Variants in INPP4B observed in about 807,000 individuals in gnomAD.
INPP4B encodes the protein inositol polyphosphate 4-phosphatase type II.
Under a neutral mutation model 122.5 loss-of-function variants are expected in INPP4B, and 55 were observed. The ratio of observed to expected loss-of-function variants is 0.45; its 90% CI spans 0.36 to 0.56. The LOEUF (loss-of-function observed/expected upper bound fraction) is 0.56. Ranked by LOEUF, INPP4B falls within the 20% of genes least tolerant of loss-of-function variation. The probability of loss-of-function intolerance (pLI) is 0.00; values close to 1 mark genes in which losing one functional copy is unlikely to be tolerated. For synonymous variants in INPP4B, 403 were observed against 388.7 expected (o/e 1.04, Z -0.43); for missense variants, 1,000 against 1,097.7 (o/e 0.91, Z 1.26).
chr4:142,540,144 A>G (rs1828767895), intron 2 of INPP4B, among the ~76,000 whole-genome samples: 1 of 152,074 alleles, frequency 6.6e-6, no homozygotes, highest in African/African-American at 2.4e-5. Flanking sequence ...AAACCATTTT[A>G]TCATTTGAAG....
At position 142,270,787 on chromosome 4, in the gene INPP4B, A is replaced by T. The variant is rs1745386977; in HGVS notation, c.504-13T>A. The T allele has an allele frequency of 6.4e-7, 1 of 1,557,694 alleles. No individual in the cohort carries two copies. Among genetic ancestry groups the T allele is most frequent in the Non-Finnish European group, 8.9e-7 (1 of 1,128,722 alleles). Reference sequence around the variant, plus strand: ...ACCATCTGAAGTTCTGCAACAAAAAATACACGAAATGGAAAGGTAAGAAGC... The same window carrying T: ...ACCATCTGAAGTTCTGCAACAAAAATTACACGAAATGGAAAGGTAAGAAGC... On this transcript the variant is annotated splice_polypyrimidine_tract_variant and intron_variant, in intron 9 of 25. Coordinates refer to ENST00000262992, the MANE Select transcript of INPP4B (RefSeq NM_001101669.3).
At chr4:142,329,373 G>T (rs1269621867) in intron 7 of INPP4B, among the ~76,000 whole-genome samples, 1 of 138,570 alleles carries the variant, frequency 7.2e-6, no homozygotes, top group Non-Finnish European at 1.6e-5. Context: ...AAAAACCAAA[G>T]AGAAAAAAGG....
intron 2 of INPP4B, among the ~76,000 whole-genome samples, chr4:142,696,508 C>A (rs551434563): frequency 7.9e-5 from 12 of 152,312 alleles, no homozygotes; most frequent in African/African-American, 2.9e-4. Flanking sequence ...CTTTCCCCAC[C>A]CCAGCCCTGA....
chr4:142,485,065 A>T (rs1280543670), intron 2 of INPP4B, among the ~76,000 whole-genome samples: 1 of 152,076 alleles, frequency 6.6e-6, no homozygotes, highest in Non-Finnish European at 1.5e-5. Context: ...TTAGGAGATT[A>T]GTTTGCTTCT....
chr4:142,642,245 T>C (rs528662504), intron 2 of INPP4B, among the ~76,000 whole-genome samples: 1 of 152,224 alleles, frequency 6.6e-6, no homozygotes, highest in Admixed American at 6.5e-5. Flanking sequence ...GTAGTTTCTT[T>C]TGCTGTGCAG....
intron 7 of INPP4B, among the ~76,000 whole-genome samples, chr4:142,366,732 T>A (rs1436548275): frequency 6.6e-6 from 1 of 152,012 alleles, no homozygotes; most frequent in African/African-American, 2.4e-5. Context: ...AATGCAAAAA[T>A]AAATAAGACA....
rs538290542 is a variant in INPP4B at position 142,649,937 on chromosome 4, A to G, written c.-191+75902T>C. 5.9e-5 allele frequency among the ~76,000 whole-genome samples: 9 copies of G among 152,332 alleles called. No homozygotes were observed. The South Asian group carries it at 1.5e-3, about 25-fold the overall frequency. Reference sequence around the variant, plus strand: ...TGTCAGATTCACCAAGGTTGAAATGAAGGAAAAAATGTTAAGGGCAGCCAG... The same window carrying G: ...TGTCAGATTCACCAAGGTTGAAATGGAGGAAAAAATGTTAAGGGCAGCCAG... On this transcript the variant is annotated intron_variant, in intron 2 of 25. Transcript: ENST00000262992.
chr4:142,068,701 C>T (rs375498448), intron 25 of INPP4B, among the ~76,000 whole-genome samples: 1 of 152,068 alleles, frequency 6.6e-6, no homozygotes, highest in East Asian at 1.9e-4. Flanking sequence ...GATAAAACAG[C>T]CTTTAAACCA....
intron 8 of INPP4B, among the ~76,000 whole-genome samples, chr4:142,306,349 C>T (rs1341128211): frequency 1.3e-5 from 2 of 151,552 alleles, no homozygotes; most frequent in African/African-American, 4.9e-5. Context: ...AAAGAGCTCT[C>T]ATTCTTCCCT....
At chr4:142,247,578 T>G (rs530622759) in intron 11 of INPP4B, among the ~76,000 whole-genome samples, 2 of 152,310 alleles carry the variant, frequency 1.3e-5, no homozygotes, top group African/African-American at 4.8e-5. Flanking sequence ...TTTATTTGCA[T>G]AGTGGTATTT....
intron 2 of INPP4B, among the ~76,000 whole-genome samples, chr4:142,650,513 T>A (rs1399426477): frequency 2.0e-5 from 3 of 147,518 alleles, no homozygotes; most frequent in Non-Finnish European, 3.0e-5. Flanking sequence ...AATAAAGGGA[T>A]AAAGGAAGAT....
intron 2 of INPP4B, among the ~76,000 whole-genome samples, chr4:142,630,786 T>C (rs528016115): frequency 6.6e-6 from 1 of 152,232 alleles, no homozygotes; most frequent in Admixed American, 6.6e-5. Flanking sequence ...TACAGTACAC[T>C]TACCTACTAT....
intron 12 of INPP4B, among the ~76,000 whole-genome samples, chr4:142,210,463 A>G (rs936629497): frequency 6.6e-6 from 1 of 152,210 alleles, no homozygotes; most frequent in Non-Finnish European, 1.5e-5. Context: ...AGAAAAAAAA[A>G]TCATGACCAA....
chr4:142,281,002 C>A (rs1031492785), intron 9 of INPP4B, among the ~76,000 whole-genome samples: 3 of 151,948 alleles, frequency 2.0e-5, no homozygotes, highest in Non-Finnish European at 4.4e-5. Context: ...ATTTACCAAG[C>A]CAGTGATGCA....
At chr4:142,828,931 C>A (rs938111174) in intron 1 of INPP4B, among the ~76,000 whole-genome samples, 3 of 151,468 alleles carry the variant, frequency 2.0e-5, no homozygotes, top group Non-Finnish European at 4.4e-5. Context: ...TGCTCTCTGC[C>A]CTCAGAAAGC....
intron 2 of INPP4B, among the ~76,000 whole-genome samples, chr4:142,631,941 C>G (rs541107300): frequency 1.3e-5 from 2 of 152,180 alleles, no homozygotes; most frequent in African/African-American, 4.8e-5. Context: ...GGCAGCAAGA[C>G]AGACAGATCT....
chr4:142,125,348 C>G (rs12330961), intron 18 of INPP4B, among the ~76,000 whole-genome samples: 20,324 of 151,572 alleles, frequency 0.13, 1,541 homozygotes, highest in East Asian at 0.23. Flanking sequence ...CTCCTCACTT[C>G]TTAAAATATT....
chr4:142,832,444 T>C (rs1782263552), intron 1 of INPP4B, among the ~76,000 whole-genome samples: 2 of 152,162 alleles, frequency 1.3e-5, no homozygotes, highest in African/African-American at 4.8e-5. Context: ...TAAATAACCA[T>C]TTTCCAATTT....
At chr4:142,157,940 C>T (rs1399680070) in intron 17 of INPP4B, among the ~76,000 whole-genome samples, 1 of 152,018 alleles carries the variant, frequency 6.6e-6, no homozygotes, top group East Asian at 1.9e-4. Context: ...CACCCACCCT[C>T]ACATCTTCAC....
Sources: allele counts gnomAD v4.1 joint callset (sites outside exome capture counted in the v4.1 genomes callset), GRCh38; gene constraint gnomAD v4.1.1; transcripts MANE v1.5; gene names NCBI Gene and HGNC (gene_info 2026-07-23, HGNC 2026-07-21).